The following TPD52L1 variants were observed in gnomAD, a reference collection of about 807,000 sequenced individuals.
TPD52L1 encodes the protein tumor protein D53.
TPD52L1 carries 18 observed loss-of-function variants against 28.7 expected under a neutral mutation model. The observed-to-expected ratio is 0.63, with a 90% CI of 0.43 to 0.93. TPD52L1 has a LOEUF of 0.93. Among genes scored for constraint, TPD52L1 ranks in the 40% least tolerant of loss-of-function variants. The pLI is 0.00. For synonymous variants in TPD52L1, 75 were observed against 88.8 expected, an observed-to-expected ratio of 0.84 and a Z score of 0.88; for missense variants, 203 against 254.8, an observed-to-expected ratio of 0.80 and a Z score of 1.39.
intron 1 of TPD52L1, among the ~76,000 whole-genome samples, chr6:125,198,518 CA>C (rs1194595883): frequency 6.6e-6 from 1 of 152,122 alleles, no homozygotes; most frequent in Non-Finnish European, 1.5e-5. Flanking sequence ...CTGAGAATGC[CA>C]AGGACACATG....
intron 5 of TPD52L1, among the ~76,000 whole-genome samples, chr6:125,255,485 A>C (rs1797540418): frequency 1.3e-5 from 2 of 152,214 alleles, no homozygotes; most frequent in African/African-American, 4.8e-5. Context: ...AGTCGTACAC[A>C]AAATGTGATG....
chr6:125,249,886 G>C (rs542458527), intron 4 of TPD52L1, among the ~76,000 whole-genome samples: 98 of 152,012 alleles, frequency 6.4e-4, no homozygotes, highest in Non-Finnish European at 1.2e-3. Flanking sequence ...ATGAATCTGA[G>C]TACATTGTTT....
At chr6:125,173,275 T>C (rs1791613476) in intron 1 of TPD52L1, among the ~76,000 whole-genome samples, 1 of 152,244 alleles carries the variant, frequency 6.6e-6, no homozygotes, top group South Asian at 2.1e-4. Context: ...TCTGGCTCAA[T>C]CATTTAAGCC....
intron 3 of TPD52L1, among the ~76,000 whole-genome samples, chr6:125,238,994 A>G (rs1796454013): frequency 1.3e-5 from 2 of 152,328 alleles, no homozygotes; most frequent in South Asian, 4.1e-4. Flanking sequence ...GGGAAATCCC[A>G]ATAGTGGGAT....
At chr6:125,158,059 C>G (rs1393329102) in intron 1 of TPD52L1, among the ~76,000 whole-genome samples, 1 of 152,102 alleles carries the variant, frequency 6.6e-6, no homozygotes, top group Non-Finnish European at 1.5e-5. Flanking sequence ...CTGTTCTGTT[C>G]GCATCAAACC....
Position 125,153,829 on chromosome 6 carries a change from A to AC in TPD52L1, c.-122dup. The AC allele has an allele frequency of 1.7e-6, 2 of 1,152,160 alleles. No homozygotes were observed. The highest frequency in any genetic ancestry group is 2.4e-6 in the Non-Finnish European group (2 of 846,096). 71.4% of individuals were successfully genotyped at this position (1,152,160 alleles called of 1,614,324 possible). On this transcript the variant is annotated 5_prime_UTR_variant, in exon 1 of 7. Coordinates refer to ENST00000534000, the MANE Select transcript of TPD52L1 (RefSeq NM_003287.4). Reference sequence around the variant, plus strand: ...CAACCCCCTCCGCGCAGCGCTCGCGACACGCGTGCCAGGAGTGGGAGCGAG... The same window carrying AC: ...CAACCCCCTCCGCGCAGCGCTCGCGACCACGCGTGCCAGGAGTGGGAGCGAG...
chr6:125,162,408 G>A (rs189648007), intron 1 of TPD52L1, among the ~76,000 whole-genome samples: 200 of 152,226 alleles, frequency 1.3e-3, no homozygotes, highest in African/African-American at 4.4e-3. Context: ...AAACTTATAA[G>A]CAAAGGAGTC....
intron 2 of TPD52L1, among the ~76,000 whole-genome samples, chr6:125,228,192 G>A (rs1266185534): frequency 6.6e-6 from 1 of 152,102 alleles, no homozygotes; most frequent in African/African-American, 2.4e-5. Flanking sequence ...TCAGTCAGTG[G>A]CTGTCTGGTG....
At chr6:125,229,578 T>C (rs758314524) in intron 3 of TPD52L1, among the ~76,000 whole-genome samples, 3 of 152,244 alleles carry the variant, frequency 2.0e-5, no homozygotes, top group African/African-American at 7.2e-5. Flanking sequence ...AATATACTTT[T>C]TTTAAAACTT....
At chr6:125,180,554 C>T (rs1021279962) in intron 1 of TPD52L1, among the ~76,000 whole-genome samples, 1 of 148,300 alleles carries the variant, frequency 6.7e-6, no homozygotes, top group Non-Finnish European at 1.5e-5. Context: ...TACACACACA[C>T]ACATATATTA....
intron 1 of TPD52L1, among the ~76,000 whole-genome samples, chr6:125,189,158 G>T (rs1377198413): frequency 6.6e-6 from 1 of 152,086 alleles, no homozygotes; most frequent in Non-Finnish European, 1.5e-5. Context: ...TCCCATTTAG[G>T]CTTTAAAAGA....
chr6:125,226,036 T>C (rs1033624942), intron 2 of TPD52L1, among the ~76,000 whole-genome samples: 4 of 152,222 alleles, frequency 2.6e-5, no homozygotes, highest in Non-Finnish European at 4.4e-5. Flanking sequence ...GTGGCAGGAC[T>C]CTTGGTTCTG....
At chr6:125,250,452 A>G (rs535438043) in intron 4 of TPD52L1, among the ~76,000 whole-genome samples, 3 of 152,232 alleles carry the variant, frequency 2.0e-5, no homozygotes, top group South Asian at 4.1e-4. Flanking sequence ...TAAGAATAAC[A>G]ATGTCACTGG....
intron 1 of TPD52L1, among the ~76,000 whole-genome samples, chr6:125,172,530 A>ATATAT (rs1554202641): frequency 1.2e-5 from 1 of 86,704 alleles, no homozygotes; most frequent in Non-Finnish European, 2.1e-5. Context: ...ATATATATAT[A>ATATAT]TATATATATA....
intron 1 of TPD52L1, among the ~76,000 whole-genome samples, chr6:125,175,800 A>G (rs1040567829): frequency 6.6e-6 from 1 of 152,166 alleles, no homozygotes; most frequent in Admixed American, 6.5e-5. Context: ...GTTATGGGAG[A>G]GGTTAAAAGG....
Position 125,254,066 on chromosome 6 carries a change from A to G in TPD52L1, c.425+311A>G, listed in dbSNP as rs1387874648. On this transcript the variant is annotated intron_variant, in intron 5 of 6. Transcript: ENST00000534000. The stretch of plus-strand genomic sequence containing the variant: ...GTGAGGCATAAACAAAGGAACCTAC[A>G]TAAAGCATTTAGCACAGTGTCTGAA... 5.9e-5 allele frequency among the ~76,000 whole-genome samples: 9 copies of G among 152,262 alleles called. No individual in the cohort carries two copies. In the East Asian group the frequency reaches 1.7e-3, roughly 29 times the overall value.
At chr6:125,208,845 A>T (rs1277930551) in intron 1 of TPD52L1, 2 of 941,272 alleles carry the variant, frequency 2.1e-6, no homozygotes, top group African/African-American at 3.5e-5. Flanking sequence ...CAGCACTCCC[A>T]GGGAGAGTCT....
intron 1 of TPD52L1, among the ~76,000 whole-genome samples, chr6:125,191,809 T>C (rs975411195): frequency 2.6e-5 from 4 of 152,182 alleles, no homozygotes; most frequent in South Asian, 4.1e-4. Context: ...CTTCTGTTCA[T>C]TGGGCACTGA....
intron 1 of TPD52L1, among the ~76,000 whole-genome samples, chr6:125,175,732 A>G (rs759038996): frequency 6.6e-6 from 1 of 152,200 alleles, no homozygotes; most frequent in Non-Finnish European, 1.5e-5. Flanking sequence ...AGCTTCCCCT[A>G]TGAAATGATT....
Sources: gnomAD v4.1 joint callset for allele counts (sites outside exome capture counted in the v4.1 genomes callset) on GRCh38, gnomAD v4.1.1 for gene constraint, MANE v1.5 for transcripts, NCBI Gene and HGNC (gene_info 2026-07-23, HGNC 2026-07-21) for gene names.